The following RIMS2 variants were observed in gnomAD, a reference collection of about 807,000 sequenced individuals.
RIMS2 encodes the protein regulating synaptic membrane exocytosis 2.
A neutral mutation model predicts 174.4 loss-of-function variants in RIMS2; 59 were observed. The ratio of observed to expected loss-of-function variants is 0.34; its 90% CI spans 0.27 to 0.42. RIMS2 has a LOEUF of 0.42. Ranked by LOEUF, RIMS2 falls within the 10% of genes least tolerant of loss-of-function variation. The pLI is 1.00. For missense variants in RIMS2, 1,620 were observed against 1,666.3 expected, an observed-to-expected ratio of 0.97 and a Z score of 0.48; for synonymous variants, 606 against 572.5, an observed-to-expected ratio of 1.06 and a Z score of -0.84.
chr8:104,238,911 TA>T (rs1353396052), intron 19 of RIMS2, among the ~76,000 whole-genome samples: 2 of 152,228 alleles, frequency 1.3e-5, no homozygotes, highest in Non-Finnish European at 2.9e-5. Flanking sequence ...TGGTCTAAAC[TA>T]AAATGTAAAG....
At chr8:103,724,947 G>A (rs1172809931) in intron 2 of RIMS2, among the ~76,000 whole-genome samples, 1 of 152,112 alleles carries the variant, frequency 6.6e-6, no homozygotes, top group African/African-American at 2.4e-5. Flanking sequence ...ACTGTTGTTG[G>A]GAGTGGACCA....
intron 19 of RIMS2, among the ~76,000 whole-genome samples, chr8:104,233,836 G>C (rs529702754): frequency 6.6e-6 from 1 of 152,280 alleles, no homozygotes; most frequent in South Asian, 2.1e-4. Flanking sequence ...CAGGCTTTCA[G>C]CCTAAAGATT....
chr8:103,953,068 A>C (rs1016400949), intron 14 of RIMS2, among the ~76,000 whole-genome samples: 4 of 152,156 alleles, frequency 2.6e-5, no homozygotes, highest in African/African-American at 9.7e-5. Flanking sequence ...AAAGAGTGAA[A>C]AATGAACAAA....
intron 1 of RIMS2, among the ~76,000 whole-genome samples, chr8:103,600,380 A>G (rs2094675912): frequency 6.6e-6 from 1 of 152,000 alleles, no homozygotes; most frequent in African/African-American, 2.4e-5. Flanking sequence ...AGCAATTATC[A>G]TGCCTCAGCA....
At chr8:104,010,559 G>A (rs1259607746) in intron 17 of RIMS2, among the ~76,000 whole-genome samples, 2 of 152,086 alleles carry the variant, frequency 1.3e-5, no homozygotes, top group African/African-American at 2.4e-5. Context: ...CTGATACACA[G>A]TATCCTTTGT....
intron 19 of RIMS2, among the ~76,000 whole-genome samples, chr8:104,125,817 C>G (rs2098423970): frequency 6.6e-6 from 1 of 152,136 alleles, no homozygotes; most frequent in Non-Finnish European, 1.5e-5. Flanking sequence ...ACATATTTAA[C>G]TACTCAAAAA....
chr8:103,877,206 T>C (rs998067476), intron 3 of RIMS2, among the ~76,000 whole-genome samples: 3 of 151,542 alleles, frequency 2.0e-5, no homozygotes, highest in African/African-American at 7.3e-5. Context: ...TACACCAACA[T>C]TTATTATTTT....
intron 19 of RIMS2, among the ~76,000 whole-genome samples, chr8:104,213,658 C>T (rs1040389347): frequency 3.3e-5 from 5 of 152,096 alleles, no homozygotes; most frequent in African/African-American, 9.7e-5. Context: ...AGGCAGATAA[C>T]GAGGTCAAGA....
chr8:104,250,647 T>A (rs2099356124), intron 22 of RIMS2, among the ~76,000 whole-genome samples: 1 of 152,162 alleles, frequency 6.6e-6, no homozygotes, highest in Non-Finnish European at 1.5e-5. Context: ...AATCACTATT[T>A]GTGGGGATGA....
chr8:104,069,463 CTTTTTTTTTTT>C (rs71297250), intron 19 of RIMS2, among the ~76,000 whole-genome samples: 1 of 91,964 alleles, frequency 1.1e-5, no homozygotes, highest in South Asian at 4.1e-4. Context: ...ATTAATTGTT[CTTTTTTTTTTT>C]TTTTTTTTTT....
chr8:103,894,569 TGTATGAAAA>T (rs1237352102), intron 4 of RIMS2, among the ~76,000 whole-genome samples: 1 of 151,604 alleles, frequency 6.6e-6, no homozygotes. Context: ...AGTACCTATC[TGTATGAAAA>T]GAAAATTTTT....
chr8:103,868,213 A>G (rs1229345502), intron 3 of RIMS2, among the ~76,000 whole-genome samples: 2 of 152,066 alleles, frequency 1.3e-5, no homozygotes, highest in African/African-American at 4.8e-5. Flanking sequence ...TTCTAGTATT[A>G]TAAATTTTGT....
chr8:104,249,377 A>G (rs572126479), intron 21 of RIMS2, 110 bp from the exon 28 acceptor site: 14 of 562,068 alleles, frequency 2.5e-5, no homozygotes, highest in African/African-American at 2.3e-4. Flanking sequence ...ATTTGAATTT[A>G]AGAAAATATA....
intron 19 of RIMS2, among the ~76,000 whole-genome samples, chr8:104,217,582 T>G (rs1015836091): frequency 6.6e-6 from 1 of 152,224 alleles, no homozygotes; most frequent in Non-Finnish European, 1.5e-5. Flanking sequence ...AAATGTTTTT[T>G]GACCTCATCA....
chr8:103,873,471 T>C (rs2099121821), intron 3 of RIMS2, among the ~76,000 whole-genome samples: 1 of 152,132 alleles, frequency 6.6e-6, no homozygotes. Context: ...TAATATTTCA[T>C]GTGTCGTCTA....
In RIMS2 at chr8:103,893,207, A is replaced by G. The variant is rs531506405; in HGVS notation, c.1624+6984A>G. On this transcript the variant is annotated intron_variant, in intron 4 of 23. Coordinates refer to ENST00000504942, the Ensembl canonical transcript of RIMS2. ...TGTAATACTAGAGTATGAAACATGA[A>G]ATAAGATAGCATTTTTTCTTGCTCT... 3.9e-5 allele frequency among the ~76,000 whole-genome samples: 6 copies of G among 152,182 alleles called. No homozygotes were observed. The South Asian group carries it at 1.0e-3, about 26-fold the overall frequency.
chr8:104,232,871 G>A (rs1223258912), intron 19 of RIMS2, among the ~76,000 whole-genome samples: 3 of 113,764 alleles, frequency 2.6e-5, no homozygotes, highest in East Asian at 2.9e-4. Flanking sequence ...TGAAGGATGG[G>A]ATATGGGATA....
intron 8 of RIMS2, among the ~76,000 whole-genome samples, chr8:103,917,924 G>A (rs759973293): frequency 2.0e-5 from 3 of 151,982 alleles, no homozygotes; most frequent in South Asian, 2.1e-4. Flanking sequence ...AGCTGAGATC[G>A]CGGCACTGCA....
chr8:103,865,082 T>C (rs1473340490), intron 3 of RIMS2, among the ~76,000 whole-genome samples: 1 of 152,008 alleles, frequency 6.6e-6, no homozygotes, highest in Non-Finnish European at 1.5e-5. Flanking sequence ...ATACATCATA[T>C]ACTTGAATAA....
Sources: allele counts gnomAD v4.1 joint callset (sites outside exome capture counted in the v4.1 genomes callset), GRCh38; gene constraint gnomAD v4.1.1; transcripts MANE v1.5; gene names NCBI Gene and HGNC (gene_info 2026-07-23, HGNC 2026-07-21).